The following DNAH6 variants were observed in gnomAD, a reference collection of about 807,000 sequenced individuals.
The protein encoded by DNAH6 is axonemal beta dynein heavy chain 6.
DNAH6 carries 340 observed loss-of-function variants against 491.4 expected under a neutral mutation model. The ratio of observed to expected loss-of-function variants is 0.69; its 90% CI spans 0.63 to 0.76. The LOEUF (loss-of-function observed/expected upper bound fraction) is 0.76, where lower values mean the gene tolerates loss of function less well. Ranked by LOEUF, DNAH6 falls within the 30% of genes least tolerant of loss-of-function variation. The pLI, the probability that DNAH6 is intolerant of heterozygous loss-of-function variation, is 0.00. For missense variants in DNAH6, 4,443 were observed against 4,972.2 expected, an observed-to-expected ratio of 0.89 and a Z score of 3.20; for synonymous variants, 1,603 against 1,686.1, an observed-to-expected ratio of 0.95 and a Z score of 1.21.
At position 84,699,707 on chromosome 2, in the gene DNAH6, T is replaced by C. The variant is rs753178922; in HGVS notation, c.7791T>C (p.Asn2597=). The change falls in exon 48 of 77, where the codon AAT becomes AAC. Residue 2597 remains asparagine, a synonymous_variant. Coordinates refer to ENST00000389394, the MANE Select transcript of DNAH6 (RefSeq NM_001370.2). ...SRCRMFPSLV[N]CCTIDWFVQW... ...GCAGGATGTTTCCATCCCTTGTGAA[T>C]TGCTGCACCATTGACTGGTTTGTGC... The C allele has an allele frequency of 3.2e-5, 49 of 1,551,598 alleles. No individual in the cohort carries two copies. The highest frequency in any genetic ancestry group is 1.9e-4 in the African/African-American group (14 of 73,056).
intron 63 of DNAH6, among the ~76,000 whole-genome samples, chr2:84,758,626 A>G (rs1674277649): frequency 6.6e-6 from 1 of 152,234 alleles, no homozygotes; most frequent in African/African-American, 2.4e-5. Context: ...CAGGGATGCA[A>G]GGATGATTTA....
At chr2:84,652,941 A>T (rs61518516) in intron 33 of DNAH6, among the ~76,000 whole-genome samples, 1,718 of 151,962 alleles carry the variant, frequency 0.011, 32 homozygotes, top group African/African-American at 0.038. Flanking sequence ...ATTTTAAAAT[A>T]ATTTTAAATT....
intron 2 of DNAH6, among the ~76,000 whole-genome samples, chr2:84,518,613 C>T (rs138116683): frequency 6.6e-6 from 1 of 152,332 alleles, no homozygotes; most frequent in East Asian, 1.9e-4. Context: ...TTTGCCTTCA[C>T]TTGACAAAAG....
intron 68 of DNAH6, among the ~76,000 whole-genome samples, chr2:84,788,652 A>G (rs753707625): frequency 1.3e-5 from 2 of 152,202 alleles, no homozygotes; most frequent in Non-Finnish European, 2.9e-5. Flanking sequence ...CCATAGCTTT[A>G]TCACATTTTT....
In DNAH6 at chr2:84,784,426, T is replaced by C. The variant is rs1256775253; in HGVS notation, c.10865-296T>C. Among the ~76,000 whole-genome samples, 3 of 152,216 alleles carry C rather than the reference T, an allele frequency of 2.0e-5. No individual in the cohort carries two copies. The East Asian group carries it at 5.8e-4, about 29-fold the overall frequency. ...TTTTCAACTGAAAATGTTTCCTATT[T>C]CAAAGATAAGGCCCTTAATAGTTCA... On this transcript the variant is annotated intron_variant, in intron 65 of 76. Coordinates refer to ENST00000389394, the MANE Select transcript of DNAH6 (RefSeq NM_001370.2).
chr2:84,587,305 C>A (rs986044282), intron 15 of DNAH6, among the ~76,000 whole-genome samples: 8 of 152,186 alleles, frequency 5.3e-5, no homozygotes, highest in African/African-American at 1.7e-4. Context: ...TTTATGGCTT[C>A]ATAGTGTTCC....
In DNAH6 at chr2:84,640,475, A is replaced by G; in HGVS notation, c.4867A>G (p.Arg1623Gly). The change falls in exon 32 of 77, where the codon AGA becomes GGA. Residue 1623 changes from arginine to glycine, a missense_variant. Arg to Gly is a moderately radical substitution (Grantham distance 125). Coordinates refer to ENST00000389394, the MANE Select transcript of DNAH6 (RefSeq NM_001370.2). ...EGFESSKILARKMTQMYKLCS... is the reference protein window; with the variant it reads ...EGFESSKILAGKMTQMYKLCS... ...ATTTGAATCCAGTAAAATATTAGCAAGAAAAATGACTCAGATGTATAAGCT... is the reference window on the plus strand; with the variant it reads ...ATTTGAATCCAGTAAAATATTAGCAGGAAAAATGACTCAGATGTATAAGCT... The G allele has an allele frequency of 6.5e-7, 1 of 1,546,046 alleles. No homozygotes were observed. The highest frequency in any genetic ancestry group is 8.8e-7 in the Non-Finnish European group (1 of 1,141,956).
chr2:84,573,452 A>T lies in DNAH6; in HGVS notation c.1804-15A>T. On this transcript the variant is annotated splice_polypyrimidine_tract_variant and intron_variant, in intron 11 of 76. Coordinates refer to ENST00000389394, the MANE Select transcript of DNAH6 (RefSeq NM_001370.2). ...AAAATATGGTCATATTTGTCTGCTT[A>T]TTTATAACATTTAGGAAACCATTCA... The T allele has an allele frequency of 6.4e-7, 1 of 1,564,076 alleles. No homozygotes were observed. The highest frequency in any genetic ancestry group is 8.6e-7 in the Non-Finnish European group (1 of 1,163,330).
intron 70 of DNAH6, among the ~76,000 whole-genome samples, chr2:84,802,284 A>C (rs781004955): frequency 2.0e-5 from 3 of 152,242 alleles, no homozygotes; most frequent in Non-Finnish European, 2.9e-5. Flanking sequence ...TTAAAAAACA[A>C]GACCCATCGT....
rs1691234600 is a variant in DNAH6 at position 84,659,015 on chromosome 2, T to C, written c.5941-11T>C. Reference sequence around the variant, plus strand: ...ATAAAATATTAAGTCTGTTTCTCTTTATTCTTTCAGGAACAAACAAAATTG... The same window carrying C: ...ATAAAATATTAAGTCTGTTTCTCTTCATTCTTTCAGGAACAAACAAAATTG... On this transcript the variant is annotated splice_polypyrimidine_tract_variant and intron_variant, in intron 36 of 76. Transcript: ENST00000389394. The C allele has an allele frequency of 7.3e-7, 1 of 1,368,528 alleles. No homozygotes were observed. The highest frequency in any genetic ancestry group is 2.5e-5 in the Admixed American group (1 of 40,678). 84.8% of individuals were successfully genotyped at this position (1,368,528 alleles called of 1,614,324 possible).
chr2:84,757,413 G>T (rs1205551532), intron 63 of DNAH6, among the ~76,000 whole-genome samples: 3 of 152,192 alleles, frequency 2.0e-5, no homozygotes, highest in African/African-American at 7.2e-5. Context: ...GTCAGGAAAT[G>T]TATATACAGA....
chr2:84,718,932 C>T (rs971274336), intron 59 of DNAH6, among the ~76,000 whole-genome samples: 1 of 152,168 alleles, frequency 6.6e-6, no homozygotes, highest in African/African-American at 2.4e-5. Flanking sequence ...TGGTACTCAA[C>T]AAAAACGTGT....
chr2:84,522,712 G>A (rs6750914), intron 2 of DNAH6, among the ~76,000 whole-genome samples: 140,190 of 152,208 alleles, frequency 0.92, 64,779 homozygotes, highest in East Asian at 1. Flanking sequence ...TTCTGGATCT[G>A]GTGAGATAAT....
intron 18 of DNAH6, among the ~76,000 whole-genome samples, chr2:84,599,211 T>C (rs1046468325): frequency 1.4e-5 from 2 of 146,062 alleles, no homozygotes; most frequent in African/African-American, 5.0e-5. Context: ...GAGTTATTCA[T>C]ATATTCTGCA....
chr2:84,483,822 G>A, the DNAH6 span, among the ~76,000 whole-genome samples: 77 of 152,202 alleles, frequency 5.1e-4, no homozygotes, highest in African/African-American at 1.8e-3. Context: ...CATTATTGTT[G>A]GGCGGGAAGT....
intron 45 of DNAH6, among the ~76,000 whole-genome samples, chr2:84,690,397 T>C (rs1006316861): frequency 6.6e-6 from 1 of 152,210 alleles, no homozygotes; most frequent in Admixed American, 6.5e-5. Flanking sequence ...TCTGTCCCCC[T>C]GGCAGCATAC....
Position 84,672,476 on chromosome 2 carries a change from GA to G in DNAH6, c.6607del (p.Ile2203TyrfsTer4), listed in dbSNP as rs1298207165. ...TGACAGAAACAAACTGTTTTGGAAA[GA>G]AATACAGGTTACTTTAGCTTTTAAA... is the stretch of plus-strand genomic sequence containing the variant. ...FYDRNKLFWK[E>X]IQDVTIISAC... On this transcript the variant is annotated frameshift_variant, in exon 40 of 77. Transcript: ENST00000389394. LOFTEE classifies it high-confidence loss of function. 7.1e-6 allele frequency: 11 copies of G among 1,549,394 alleles called. No homozygotes were observed. The highest frequency in any genetic ancestry group is 1.4e-5 in the African/African-American group (1 of 72,914).
intron 52 of DNAH6, among the ~76,000 whole-genome samples, chr2:84,706,529 C>A (rs182701691): frequency 6.6e-6 from 1 of 152,064 alleles, no homozygotes; most frequent in East Asian, 1.9e-4. Flanking sequence ...CATAGTGTGC[C>A]GACCTCTGAT....
intron 35 of DNAH6, among the ~76,000 whole-genome samples, chr2:84,655,113 C>A (rs1160461791): frequency 6.6e-6 from 1 of 151,920 alleles, no homozygotes; most frequent in Non-Finnish European, 1.5e-5. Context: ...ATTGAGACTT[C>A]GCAGAAAGCT....
Sources: gnomAD v4.1 joint callset for allele counts (sites outside exome capture counted in the v4.1 genomes callset) on GRCh38, gnomAD v4.1.1 for gene constraint, MANE v1.5 for transcripts, NCBI Gene and HGNC (gene_info 2026-07-23, HGNC 2026-07-21) for gene names.